PATJ: variants seen among roughly 807,000 people sequenced by gnomAD.
The protein encoded by PATJ is PATJ crumbs cell polarity complex component, also known as inaD-like protein.
A neutral mutation model predicts 224.9 loss-of-function variants in PATJ; 190 were observed. The ratio of observed to expected loss-of-function variants is 0.84; its 90% CI spans 0.75 to 0.95. The LOEUF is 0.95. PATJ is among the 40% of genes least tolerant of loss of function. The pLI, the probability that PATJ is intolerant of heterozygous loss-of-function variation, is 0.00. For synonymous variants in PATJ, 769 were observed against 820.3 expected (o/e 0.94, Z 1.07); for missense variants, 2,121 against 2,270.3 (o/e 0.93, Z 1.34).
chr1:62,158,859 G>T (rs1053795075), intron 43 of PATJ, among the ~76,000 whole-genome samples: 1 of 151,960 alleles, frequency 6.6e-6, no homozygotes, highest in Admixed American at 6.6e-5. Context: ...TGAGGCAGGA[G>T]AATCGCTTGA....
chr1:61,825,330 C>A (rs1475868370), intron 15 of PATJ, among the ~76,000 whole-genome samples: 1 of 152,124 alleles, frequency 6.6e-6, no homozygotes, highest in Admixed American at 6.6e-5. Context: ...ATTTTCCAGT[C>A]AAAAACTTGG....
intron 34 of PATJ, among the ~76,000 whole-genome samples, chr1:62,113,023 G>C (rs1420784285): frequency 6.6e-6 from 1 of 152,176 alleles, no homozygotes; most frequent in African/African-American, 2.4e-5. Flanking sequence ...ATTTCAGAGA[G>C]TTAGTATAAG....
At chr1:62,103,579 C>T (rs1271565012) in intron 33 of PATJ, among the ~76,000 whole-genome samples, 1 of 152,126 alleles carries the variant, frequency 6.6e-6, no homozygotes, top group Non-Finnish European at 1.5e-5. Flanking sequence ...ATGGTGAAAC[C>T]TCATCTCTAC....
intron 1 of PATJ, among the ~76,000 whole-genome samples, chr1:61,760,333 T>C (rs982470672): frequency 1.3e-5 from 2 of 152,208 alleles, no homozygotes; most frequent in Non-Finnish European, 2.9e-5. Flanking sequence ...GATCTTGAAT[T>C]AGAAGATAAA....
chr1:62,116,339 T>C (rs553365418), intron 35 of PATJ, among the ~76,000 whole-genome samples, 193 bp from the exon 36 acceptor site: 1 of 152,330 alleles, frequency 6.6e-6, no homozygotes, highest in African/African-American at 2.4e-5. Context: ...TAGAATAGTA[T>C]GTAGCTATTT....
At chr1:62,154,715 T>C (rs1024764509) in intron 43 of PATJ, among the ~76,000 whole-genome samples, 3 of 150,800 alleles carry the variant, frequency 2.0e-5, no homozygotes, top group African/African-American at 7.3e-5. Context: ...TAAGAAGGAA[T>C]CTGTCTCTTT....
chr1:61,908,666 T>C (rs1311491976), intron 25 of PATJ, among the ~76,000 whole-genome samples, 184 bp downstream of exon 25: 1 of 152,194 alleles, frequency 6.6e-6, no homozygotes, highest in Non-Finnish European at 1.5e-5. Flanking sequence ...GATCTTCTGG[T>C]CAAATTGGAG....
At position 61,886,819 on chromosome 1, in the gene PATJ, CAA is replaced by C. The variant is rs35950461; in HGVS notation, c.3131+2422_3131+2423del. On this transcript the variant is annotated intron_variant, in intron 22 of 43. Transcript: ENST00000642238. ...TGGGCAACAGAGCAAGACCCCATCT[CAA>C]AAAAAAAAAATTAGCCTGTTGTGAT... 4.1e-4 allele frequency among the ~76,000 whole-genome samples: 36 copies of C among 87,440 alleles called. 3 individuals are homozygous for C. The highest frequency in any genetic ancestry group is 6.4e-4 in the East Asian group (3 of 4,716). The allele number at this position is 87,440 out of a possible 152,430, so 57.4% of individuals were successfully genotyped here. A position where few individuals can be genotyped will look rare whatever the true frequency, so the allele number is the denominator to read the frequency against.
At chr1:61,956,106 G>A (rs576024040) in intron 27 of PATJ, among the ~76,000 whole-genome samples, 240 of 152,246 alleles carry the variant, frequency 1.6e-3, no homozygotes, top group Non-Finnish European at 2.9e-3. Flanking sequence ...GAGGTTTAGG[G>A]TACACCTCCC....
chr1:61,776,933 G>C (rs1646945915), intron 7 of PATJ, among the ~76,000 whole-genome samples: 1 of 152,066 alleles, frequency 6.6e-6, no homozygotes, highest in African/African-American at 2.4e-5. Context: ...CACCGTGTTA[G>C]CTATGATGGT....
chr1:62,127,914 T>C, intron 39 of PATJ, 58 bp from the exon 40 acceptor site: 2 of 1,580,052 alleles, frequency 1.3e-6, no homozygotes, highest in Non-Finnish European at 1.7e-6. Flanking sequence ...TATCTAGGGA[T>C]AGTCAGTTTG....
chr1:62,034,166 G>A (rs985195420), intron 29 of PATJ, among the ~76,000 whole-genome samples: 5 of 152,148 alleles, frequency 3.3e-5, no homozygotes, highest in South Asian at 2.1e-4. Flanking sequence ...AGTTTCACCC[G>A]GCTTGATGGC....
rs72229771 is a variant in PATJ, at chr1:61,884,451, GTTTTTTTT to G, written c.3131+58_3131+65del. The G allele has an allele frequency of 4.5e-3, 2,879 of 638,336 alleles. 1 individual carries two copies. The highest frequency in any genetic ancestry group is 5.3e-3 in the East Asian group (147 of 27,934). 39.5% of individuals were successfully genotyped at this position (638,336 alleles called of 1,614,324 possible). On this transcript the variant is annotated intron_variant, in intron 22 of 43. Coordinates refer to ENST00000642238, the MANE Select transcript of PATJ (RefSeq NM_001350145.3). ...TTTGTTTTCACATTATAAAATAGTG[GTTTTTTTT>G]TTTTTTTTTTTTTTGCTTAAAAAAT... is the stretch of plus-strand genomic sequence containing the variant.
At chr1:62,079,620 G>C in intron 32 of PATJ, 53 bp downstream of exon 32, 1 of 1,178,072 alleles carries the variant, frequency 8.5e-7, no homozygotes, top group South Asian at 1.3e-5. Flanking sequence ...GAGAAGGCAA[G>C]GGATCATAAT....
intron 27 of PATJ, among the ~76,000 whole-genome samples, chr1:61,946,815 T>C (rs2149365505): frequency 6.6e-6 from 1 of 152,276 alleles, no homozygotes; most frequent in South Asian, 2.1e-4. Context: ...GCAGAAATCC[T>C]CAGTAAAATA....
rs74823915 is a variant in PATJ, at chr1:62,119,668, G to A, written c.4891-1513G>A. On this transcript the variant is annotated intron_variant, in intron 37 of 43. Coordinates refer to ENST00000642238, the MANE Select transcript of PATJ (RefSeq NM_001350145.3). The stretch of plus-strand genomic sequence containing the variant: ...TTTTATAAACGTCTTGGGGCCGGGC[G>A]TGGTGGCTCACATCTGTAATCCCAG... 3.2e-3 allele frequency among the ~76,000 whole-genome samples: 480 copies of A among 152,292 alleles called. 17 individuals are homozygous for A. The East Asian group carries it at 0.08, about 25-fold the overall frequency.
chr1:61,814,422 C>T (rs1281974498), intron 14 of PATJ, among the ~76,000 whole-genome samples: 1 of 151,898 alleles, frequency 6.6e-6, no homozygotes, highest in Non-Finnish European at 1.5e-5. Context: ...GGATTACAGG[C>T]GTGAGCCACC....
At position 62,163,526 on chromosome 1, in the gene PATJ, T is replaced by C. The variant is rs1669981274; in HGVS notation, c.*2472T>C. On this transcript the variant is annotated 3_prime_UTR_variant, in exon 44 of 44. Coordinates refer to ENST00000642238, the MANE Select transcript of PATJ (RefSeq NM_001350145.3). ...ATAATACATTGTTGTGGTGTTTCTT[T>C]ATACATTATCCTTTTAGGTCGTGCT... 1 of 152,684 alleles carries C rather than the reference T, an allele frequency of 6.5e-6. No homozygotes were observed. The highest frequency in any genetic ancestry group is 2.4e-5 in the African/African-American group (1 of 41,464). 9.5% of individuals were successfully genotyped at this position (152,684 alleles called of 1,614,324 possible). A position where few individuals can be genotyped will look rare whatever the true frequency, so the allele number is the denominator to read the frequency against.
chr1:62,138,372 A>G (rs1667165058), intron 41 of PATJ, among the ~76,000 whole-genome samples: 1 of 152,102 alleles, frequency 6.6e-6, no homozygotes, highest in Non-Finnish European at 1.5e-5. Context: ...CAGTGGCACA[A>G]TCTCAATTCA....
Sources: allele counts gnomAD v4.1 joint callset (sites outside exome capture counted in the v4.1 genomes callset), GRCh38; gene constraint gnomAD v4.1.1; transcripts MANE v1.5; gene names NCBI Gene and HGNC (gene_info 2026-07-23, HGNC 2026-07-21).